CDH8: variants seen among roughly 807,000 people sequenced by gnomAD.
CDH8 encodes cadherin-8.
Under a neutral mutation model 68.1 loss-of-function variants are expected in CDH8, and 17 were observed. The observed-to-expected ratio is 0.25, with a 90% confidence interval of 0.17 to 0.37. CDH8 has a LOEUF of 0.37. Ranked by LOEUF, CDH8 falls within the 10% of genes least tolerant of loss-of-function variation. The pLI is 1.00. For synonymous variants in CDH8, 372 were observed against 365.1 expected (o/e 1.02, Z -0.21); for missense variants, 763 against 999.3 (o/e 0.76, Z 3.19).
intron 4 of CDH8, among the ~76,000 whole-genome samples, chr16:61,856,083 A>G (rs1963040919): frequency 6.6e-6 from 1 of 152,140 alleles, no homozygotes; most frequent in Non-Finnish European, 1.5e-5. Context: ...AATTTAAAAG[A>G]AAAAAGCAGG....
intron 8 of CDH8, among the ~76,000 whole-genome samples, chr16:61,740,919 A>C (rs1337668559): frequency 6.6e-6 from 1 of 152,138 alleles, no homozygotes; most frequent in African/African-American, 2.4e-5. Flanking sequence ...ATCCTGTGAA[A>C]TATTACAGGT....
intron 3 of CDH8, among the ~76,000 whole-genome samples, chr16:61,859,362 A>C (rs1233343639): frequency 1.3e-5 from 2 of 152,208 alleles, no homozygotes; most frequent in African/African-American, 4.8e-5. Flanking sequence ...ACTCAGAAAG[A>C]GGGATGACAG....
chr16:61,698,416 G>T (rs1459663131), intron 10 of CDH8, among the ~76,000 whole-genome samples: 10 of 152,128 alleles, frequency 6.6e-5, no homozygotes, highest in Non-Finnish European at 7.3e-5. Context: ...TTGCCTCCGA[G>T]AGTCTTTTAT....
At chr16:61,670,964 A>G (rs1963780051) in intron 10 of CDH8, among the ~76,000 whole-genome samples, 1 of 152,064 alleles carries the variant, frequency 6.6e-6, no homozygotes, top group Admixed American at 6.6e-5. Flanking sequence ...TTATCAGACC[A>G]AGGTTGAAAG....
At chr16:61,901,061 G>T in intron 3 of CDH8, 118 bp downstream of exon 3, 4 of 951,088 alleles carry the variant, frequency 4.2e-6, no homozygotes, top group Non-Finnish European at 6.3e-6. Flanking sequence ...ATTTGGAAAT[G>T]CAAATTAGAG....
intron 4 of CDH8, among the ~76,000 whole-genome samples, chr16:61,838,897 T>C (rs998754306): frequency 4.6e-5 from 7 of 152,142 alleles, no homozygotes; most frequent in African/African-American, 1.7e-4. Flanking sequence ...TGAAAAACAC[T>C]AATCTTTTGT....
chr16:61,963,463 TA>T (rs1370798417), intron 2 of CDH8, among the ~76,000 whole-genome samples: 1 of 152,174 alleles, frequency 6.6e-6, no homozygotes, highest in Non-Finnish European at 1.5e-5. Flanking sequence ...AACATAATCA[TA>T]AAAATAAATT....
At chr16:61,758,036 G>C (rs1430907636) in intron 8 of CDH8, among the ~76,000 whole-genome samples, 2 of 152,170 alleles carry the variant, frequency 1.3e-5, no homozygotes, top group Non-Finnish European at 2.9e-5. Context: ...GAAGGAGATA[G>C]ATTAATTGAG....
intron 7 of CDH8, among the ~76,000 whole-genome samples, chr16:61,794,659 G>A (rs1961456417): frequency 6.6e-6 from 1 of 151,950 alleles, no homozygotes; most frequent in African/African-American, 2.4e-5. Flanking sequence ...CGTGTACACA[G>A]GAAATTAGAG....
At chr16:61,732,861 C>T (rs944703137) in intron 8 of CDH8, among the ~76,000 whole-genome samples, 2 of 151,354 alleles carry the variant, frequency 1.3e-5, no homozygotes, top group Non-Finnish European at 3.0e-5. Context: ...ATATGTTTGC[C>T]AATCATAGCA....
intron 8 of CDH8, 102 bp downstream of exon 8, chr16:61,789,244 G>T: frequency 1.9e-6 from 2 of 1,038,822 alleles, no homozygotes; most frequent in Non-Finnish European, 2.8e-6. Context: ...AAGTTCCAAT[G>T]TCAAGGTACC....
intron 3 of CDH8, among the ~76,000 whole-genome samples, chr16:61,868,348 GCTTATTTT>G (rs1963294116): frequency 6.6e-6 from 1 of 152,116 alleles, no homozygotes; most frequent in African/African-American, 2.4e-5. Context: ...AGAATTAATA[GCTTATTTT>G]CTTTTGGAAG....
At chr16:61,895,081 G>A (rs889117445) in intron 3 of CDH8, among the ~76,000 whole-genome samples, 2 of 151,976 alleles carry the variant, frequency 1.3e-5, no homozygotes, top group African/African-American at 4.8e-5. Flanking sequence ...TTTTTAAAGT[G>A]CTCATATTCC....
chr16:61,757,765 T>C (rs1163361733), intron 8 of CDH8, among the ~76,000 whole-genome samples: 1 of 152,164 alleles, frequency 6.6e-6, no homozygotes, highest in African/African-American at 2.4e-5. Flanking sequence ...GATTGAGCCA[T>C]GTTGGAACTG....
At chr16:62,018,287 C>G (rs181945704) in intron 2 of CDH8, among the ~76,000 whole-genome samples, 98 of 152,254 alleles carry the variant, frequency 6.4e-4, no homozygotes, top group Admixed American at 2.5e-3. Flanking sequence ...TCTGAAGAAC[C>G]TATCGCTCAA....
intron 2 of CDH8, among the ~76,000 whole-genome samples, chr16:62,003,110 T>C (rs1965919759): frequency 6.6e-6 from 1 of 152,112 alleles, no homozygotes; most frequent in African/African-American, 2.4e-5. Flanking sequence ...AGGTTACAAA[T>C]TGTCTTAATA....
At chr16:61,901,552 A>C in intron 2 of CDH8, 79 bp from the exon 3 acceptor site, 1 of 1,016,532 alleles carries the variant, frequency 9.8e-7, no homozygotes, top group Non-Finnish European at 1.5e-6. Context: ...TTTGAATATT[A>C]AGTTGGTTCT....
rs571159392 is a variant in CDH8 at position 61,911,626 on chromosome 16, C to A, written c.253-10153G>T. Among the ~76,000 whole-genome samples, 12 of 146,906 alleles carry A rather than the reference C, an allele frequency of 8.2e-5. No individual in the cohort carries two copies. In the South Asian group the frequency reaches 1.7e-3, roughly 21 times the overall value. Reference sequence around the variant, plus strand: ...TATCTCTTTATGAATTCCCTAAACCCCCCCCCACCACCTCTCTCTCTTTTT... The same window carrying A: ...TATCTCTTTATGAATTCCCTAAACCACCCCCCACCACCTCTCTCTCTTTTT... On this transcript the variant is annotated intron_variant, in intron 2 of 11. Transcript: ENST00000577390.
At chr16:61,969,680 T>A (rs1965307863) in intron 2 of CDH8, among the ~76,000 whole-genome samples, 1 of 152,238 alleles carries the variant, frequency 6.6e-6, no homozygotes, top group Non-Finnish European at 1.5e-5. Context: ...ACCGGTGGAA[T>A]AAGATGTGTA....
Sources: allele counts gnomAD v4.1 joint callset (sites outside exome capture counted in the v4.1 genomes callset), GRCh38; gene constraint gnomAD v4.1.1; transcripts MANE v1.5; gene names NCBI Gene and HGNC (gene_info 2026-07-23, HGNC 2026-07-21).